Variants in RAD23B observed in about 807,000 individuals in gnomAD.
RAD23B encodes RAD23 nucleotide excision repair protein B, also known as lysine-specific demethylase RAD23B.
RAD23B carries 5 observed loss-of-function variants against 49.1 expected under a neutral mutation model. That is an observed-to-expected ratio of 0.10 (90% CI 0.05 to 0.21). RAD23B has a LOEUF of 0.21. RAD23B is among the 10% of genes least tolerant of loss of function. RAD23B has a pLI of 1.00. For synonymous variants in RAD23B, 184 were observed against 165.4 expected (o/e 1.11, Z -0.86); for missense variants, 356 against 486.7 (o/e 0.73, Z 2.53).
intron 1 of RAD23B, among the ~76,000 whole-genome samples, chr9:107,291,544 C>T (rs1833385264): frequency 6.6e-6 from 1 of 152,128 alleles, no homozygotes; most frequent in Non-Finnish European, 1.5e-5. Context: ...TAAAAATCTC[C>T]TGTACTAAAT....
Position 107,329,755 on chromosome 9 carries a change from G to C in RAD23B, c.*99G>C. Reference sequence around the variant, plus strand: ...CTTGGGCTCATATCCACAATACTTGGTATAAGGTAGTAGATTGTTGGGGGT... The same window carrying C: ...CTTGGGCTCATATCCACAATACTTGCTATAAGGTAGTAGATTGTTGGGGGT... On this transcript the variant is annotated 3_prime_UTR_variant, in exon 10 of 10. Coordinates refer to ENST00000358015, the MANE Select transcript of RAD23B (RefSeq NM_002874.5). 2 of 382,666 alleles carry C rather than the reference G, an allele frequency of 5.2e-6. No homozygotes were observed. Among genetic ancestry groups the C allele is most frequent in the Non-Finnish European group, 1.1e-5 (2 of 186,078 alleles). 23.7% of individuals were successfully genotyped at this position (382,666 alleles called of 1,614,324 possible). A position where few individuals can be genotyped will look rare whatever the true frequency, so the allele number is the denominator to read the frequency against.
intron 4 of RAD23B, among the ~76,000 whole-genome samples, chr9:107,308,293 A>G (rs924845327): frequency 6.6e-6 from 1 of 150,690 alleles, no homozygotes; most frequent in African/African-American, 2.4e-5. Flanking sequence ...ACCTCGGCTC[A>G]CTACAACCTC....
chr9:107,305,432 C>T (rs1055780380), intron 3 of RAD23B, among the ~76,000 whole-genome samples: 2 of 152,124 alleles, frequency 1.3e-5, no homozygotes, highest in Admixed American at 6.5e-5. Context: ...GTTGGTATTG[C>T]GGTCTCAAGG....
rs1554740931 is a variant in RAD23B, at chr9:107,298,812, C to CT, written c.67-1319dup. Among the ~76,000 whole-genome samples the CT allele has an allele frequency of 5.2e-4, 77 of 147,714 alleles. 1 individual carries two copies. The highest frequency in any genetic ancestry group is 1.0e-3 in the African/African-American group (42 of 40,372). ...CACTGAAAAGACTGACACTGTTTTA[C>CT]TTTTTTTTTTGCAAATCTGATGTTT... On this transcript the variant is annotated intron_variant, in intron 1 of 9. Coordinates refer to ENST00000358015, the MANE Select transcript of RAD23B (RefSeq NM_002874.5).
intron 1 of RAD23B, among the ~76,000 whole-genome samples, chr9:107,285,069 A>G (rs1718624971): frequency 6.6e-6 from 1 of 152,192 alleles, no homozygotes; most frequent in Admixed American, 6.5e-5. Context: ...GGATTTTGGT[A>G]CAAAATTATT....
intron 3 of RAD23B, among the ~76,000 whole-genome samples, chr9:107,304,111 T>C (rs1320432000): frequency 1.3e-5 from 2 of 150,866 alleles, no homozygotes; most frequent in East Asian, 1.9e-4. Flanking sequence ...AATGACCTTA[T>C]TAATACAAAG....
rs1232425252 is a variant in RAD23B at position 107,318,457 on chromosome 9, G to A, written c.554-295G>A. 2.6e-5 allele frequency among the ~76,000 whole-genome samples: 4 copies of A among 152,136 alleles called. No individual in the cohort carries two copies. Among genetic ancestry groups the A allele is most frequent in the African/African-American group, 9.7e-5 (4 of 41,418 alleles). The stretch of plus-strand genomic sequence containing the variant: ...TCATGTCATTACACTGGACCCACCT[G>A]GATAATCCAGAATGAGGTCTCTGTC... On this transcript the variant is annotated intron_variant, in intron 5 of 9. Transcript: ENST00000358015. This position sits in a 1 kb window ranked among gnomAD's most constrained non-coding sequence, Gnocchi z 4.3.
chr9:107,285,237 A>C (rs1051937021), intron 1 of RAD23B, among the ~76,000 whole-genome samples: 4 of 152,224 alleles, frequency 2.6e-5, no homozygotes, highest in African/African-American at 7.2e-5. Flanking sequence ...TTTCTCTTGA[A>C]TATTTCTTTA....
At chr9:107,326,088 G>C (rs903569362) in intron 9 of RAD23B, among the ~76,000 whole-genome samples, 3 of 152,092 alleles carry the variant, frequency 2.0e-5, no homozygotes, top group Non-Finnish European at 4.4e-5. Flanking sequence ...TACAGCATAT[G>C]ATCTTTTTTA....
chr9:107,300,259 T>C (rs1190156745), intron 2 of RAD23B, 37 bp downstream of exon 2: 1 of 1,573,736 alleles, frequency 6.4e-7, no homozygotes, highest in South Asian at 1.2e-5. Flanking sequence ...TGCCATGTCT[T>C]GATATTCTTT....
chr9:107,314,841 T>G (rs1826960123), intron 5 of RAD23B, among the ~76,000 whole-genome samples: 1 of 152,224 alleles, frequency 6.6e-6, no homozygotes, highest in Non-Finnish European at 1.5e-5. Context: ...ACATCTGGTA[T>G]AAGATGGGGC....
chr9:107,310,981 A>C (rs1414632583), intron 4 of RAD23B, among the ~76,000 whole-genome samples: 2 of 152,206 alleles, frequency 1.3e-5, no homozygotes, highest in African/African-American at 4.8e-5. Flanking sequence ...TGTCTGCTTT[A>C]ATTTAAACTT....
At position 107,331,706 on chromosome 9, in the gene RAD23B, CTCT is replaced by C. The variant is rs760455028; in HGVS notation, c.*2055_*2057del. On this transcript the variant is annotated 3_prime_UTR_variant, in exon 10 of 10. Coordinates refer to ENST00000358015, the MANE Select transcript of RAD23B (RefSeq NM_002874.5). ...ACTGGAAACAAAAAAAAAAAACAGC[CTCT>C]TCTTGGAAAGTGACAGCAGAAGGTG... is the stretch of plus-strand genomic sequence containing the variant. 10 of 777,318 alleles carry C rather than the reference CTCT, an allele frequency of 1.3e-5. No homozygotes were observed. The highest frequency in any genetic ancestry group is 1.1e-4 in the South Asian group (8 of 73,888). The allele number at this position is 777,318 out of a possible 1,614,324, so 48.2% of individuals were successfully genotyped here. A position where few individuals can be genotyped will look rare whatever the true frequency, so the allele number is the denominator to read the frequency against.
At chr9:107,326,501 A>G (rs1827205569) in intron 9 of RAD23B, among the ~76,000 whole-genome samples, 1 of 150,078 alleles carries the variant, frequency 6.7e-6, no homozygotes, top group Admixed American at 6.6e-5. Context: ...AAAAAAAAGA[A>G]TTGGTGTGAA....
In RAD23B at chr9:107,332,187, A is replaced by G. The variant is rs1183633930; in HGVS notation, c.*2531A>G. 6.4e-6 allele frequency: 1 copy of G among 157,326 alleles called. No individual in the cohort carries two copies. Among genetic ancestry groups the G allele is most frequent in the African/African-American group, 2.4e-5 (1 of 41,682 alleles). 9.7% of individuals were successfully genotyped at this position (157,326 alleles called of 1,614,324 possible). On this transcript the variant is annotated 3_prime_UTR_variant, in exon 10 of 10. Coordinates refer to ENST00000358015, the MANE Select transcript of RAD23B (RefSeq NM_002874.5). ...GAATTGATTATAAAATATTTTCAATACATCCAACATTGCACTTCTCATTTT... is the reference window on the plus strand; with the variant it reads ...GAATTGATTATAAAATATTTTCAATGCATCCAACATTGCACTTCTCATTTT...
intron 5 of RAD23B, 62 bp downstream of exon 5, chr9:107,311,799 C>A: frequency 8.0e-7 from 1 of 1,243,850 alleles, no homozygotes; most frequent in Non-Finnish European, 1.1e-6. Flanking sequence ...TTTCACTTTT[C>A]TAGATCATGA....
In RAD23B at chr9:107,331,691, A is replaced by AC. The variant is rs1491056535; in HGVS notation, c.*2035_*2036insC. On this transcript the variant is annotated 3_prime_UTR_variant, in exon 10 of 10. Transcript: ENST00000358015. ...CAGATCATAGTGAAAACTGGAAACAAAAAAAAAAAACAGCCTCTTCTTGGA... is the reference window on the plus strand; with the variant it reads ...CAGATCATAGTGAAAACTGGAAACAACAAAAAAAAAACAGCCTCTTCTTGGA... 2 of 311,350 alleles carry AC rather than the reference A, an allele frequency of 6.4e-6. No homozygotes were observed. Among genetic ancestry groups the AC allele is most frequent in the African/African-American group, 9.1e-5 (1 of 10,952 alleles). 19.3% of individuals were successfully genotyped at this position (311,350 alleles called of 1,614,324 possible). A position where few individuals can be genotyped will look rare whatever the true frequency, so the allele number is the denominator to read the frequency against.
intron 5 of RAD23B, among the ~76,000 whole-genome samples, chr9:107,312,353 T>C (rs1886134): frequency 0.81 from 122,781 of 152,102 alleles, 50,103 homozygotes; most frequent in African/African-American, 0.93. Context: ...GTTTGTTACT[T>C]TTAAATGGCA....
At chr9:107,300,849 C>A (rs1194507293) in intron 2 of RAD23B, among the ~76,000 whole-genome samples, 1 of 151,980 alleles carries the variant, frequency 6.6e-6, no homozygotes, top group Admixed American at 6.6e-5. Flanking sequence ...GTTTGATCAC[C>A]CATGGATTCT....
Sources: gnomAD v4.1 joint callset for allele counts (sites outside exome capture counted in the v4.1 genomes callset) on GRCh38, gnomAD v4.1.1 for gene constraint, Gnocchi (gnomAD v3.1) non-coding constraint, MANE v1.5 for transcripts, NCBI Gene and HGNC (gene_info 2026-07-23, HGNC 2026-07-21) for gene names.